The following CNTN1 variants were observed in gnomAD, a reference collection of about 807,000 sequenced individuals.
CNTN1 encodes contactin 1.
A neutral mutation model predicts 126.4 loss-of-function variants in CNTN1; 38 were observed. The observed-to-expected ratio is 0.30, with a 90% CI of 0.23 to 0.39. The LOEUF (loss-of-function observed/expected upper bound fraction) is 0.39, where lower values mean the gene tolerates loss of function less well. Ranked by LOEUF, CNTN1 falls within the 10% of genes least tolerant of loss-of-function variation. The probability of loss-of-function intolerance (pLI) is 1.00; values close to 1 mark genes in which losing one functional copy is unlikely to be tolerated. For missense variants in CNTN1, 1,009 were observed against 1,248.4 expected (o/e 0.81, Z 2.89); for synonymous variants, 413 against 422.6 (o/e 0.98, Z 0.28).
intron 1 of CNTN1, among the ~76,000 whole-genome samples, chr12:40,715,076 C>T (rs900765651): frequency 5.3e-5 from 8 of 152,218 alleles, no homozygotes; most frequent in African/African-American, 1.7e-4. Context: ...AACTGAATTT[C>T]GTTTGTTTTA....
At chr12:40,943,538 C>T in intron 12 of CNTN1, 59 bp from the exon 13 acceptor site, 3 of 1,265,360 alleles carry the variant, frequency 2.4e-6, no homozygotes, top group Non-Finnish European at 3.4e-6. Flanking sequence ...TAATCTAAGA[C>T]ATAATAATGT....
chr12:40,704,771 G>T (rs1941695664), intron 1 of CNTN1, among the ~76,000 whole-genome samples: 1 of 152,082 alleles, frequency 6.6e-6, no homozygotes, highest in South Asian at 2.1e-4. Context: ...TAAACTGATG[G>T]TTTCTATAAA....
In CNTN1 at chr12:41,071,765, G is replaced by A. The variant is rs1014688949; in HGVS notation, c.*1730G>A. The stretch of plus-strand genomic sequence containing the variant: ...GATTTCATAAAATATTTAAGTATTT[G>A]AAAAAGAAACAAAATGTCTTCATAC... On this transcript the variant is annotated 3_prime_UTR_variant, in exon 24 of 24. Coordinates refer to ENST00000551295, the MANE Select transcript of CNTN1 (RefSeq NM_001843.4). The A allele has an allele frequency of 6.6e-6, 1 of 152,070 alleles. No homozygotes were observed. Among genetic ancestry groups the A allele is most frequent in the Non-Finnish European group, 1.5e-5 (1 of 67,988 alleles). The allele number at this position is 152,070 out of a possible 1,614,324, so 9.4% of individuals were successfully genotyped here.
At chr12:40,984,972 ACC>A (rs1947918867) in intron 16 of CNTN1, among the ~76,000 whole-genome samples, 1 of 152,062 alleles carries the variant, frequency 6.6e-6, no homozygotes, top group East Asian at 1.9e-4. Context: ...TTACAAAATT[ACC>A]TTTACCAATG....
At chr12:40,804,157 A>G (rs755483745) in intron 1 of CNTN1, among the ~76,000 whole-genome samples, 41 of 152,042 alleles carry the variant, frequency 2.7e-4, no homozygotes, top group Non-Finnish European at 5.0e-4. Flanking sequence ...TGGAAGTTAC[A>G]TAGAACAAAA....
At chr12:40,782,359 A>C (rs961161603) in intron 1 of CNTN1, among the ~76,000 whole-genome samples, 1 of 152,022 alleles carries the variant, frequency 6.6e-6, no homozygotes, top group South Asian at 2.1e-4. Context: ...TTATAAATGT[A>C]ATTTATGAAT....
chr12:41,071,085 A>G lies in CNTN1; in HGVS notation c.*1050A>G, dbSNP rs939751180. ...CGTATTCCATTTTGTAAAAATAACA[A>G]TAATAATAATAATAATAATTAGTTT... On this transcript the variant is annotated 3_prime_UTR_variant, in exon 24 of 24. Coordinates refer to ENST00000551295, the MANE Select transcript of CNTN1 (RefSeq NM_001843.4). The G allele has an allele frequency of 6.6e-6, 1 of 151,280 alleles. No homozygotes were observed. The highest frequency in any genetic ancestry group is 2.4e-5 in the African/African-American group (1 of 41,228). The allele number at this position is 151,280 out of a possible 1,614,324, so 9.4% of individuals were successfully genotyped here.
At chr12:40,731,277 T>C (rs1044468924) in intron 1 of CNTN1, among the ~76,000 whole-genome samples, 1 of 152,018 alleles carries the variant, frequency 6.6e-6, no homozygotes, top group African/African-American at 2.4e-5. Context: ...TGGGTGTTTT[T>C]TCCCTTAACA....
chr12:40,732,354 G>C (rs555540640), intron 1 of CNTN1, among the ~76,000 whole-genome samples: 1 of 151,754 alleles, frequency 6.6e-6, no homozygotes, highest in Non-Finnish European at 1.5e-5. Context: ...GAACATTCCC[G>C]CATAAAAGTT....
intron 15 of CNTN1, 65 bp from the exon 16 acceptor site, chr12:40,980,844 A>G (rs1481271460): frequency 7.0e-7 from 1 of 1,425,734 alleles, no homozygotes; most frequent in Non-Finnish European, 9.9e-7. Flanking sequence ...ACATTTTTAT[A>G]TTCTAATGTG....
intron 1 of CNTN1, among the ~76,000 whole-genome samples, chr12:40,726,578 C>T (rs975393698): frequency 3.9e-5 from 6 of 152,138 alleles, no homozygotes; most frequent in African/African-American, 1.4e-4. Flanking sequence ...CACCATGATC[C>T]GATTACCTCC....
At chr12:40,772,351 A>G (rs1939372876) in intron 1 of CNTN1, among the ~76,000 whole-genome samples, 1 of 152,018 alleles carries the variant, frequency 6.6e-6, no homozygotes, top group Admixed American at 6.6e-5. Flanking sequence ...GTGTCTTATC[A>G]CAATGTAATA....
At chr12:40,896,740 C>A (rs188160229) in intron 1 of CNTN1, among the ~76,000 whole-genome samples, 22 of 152,232 alleles carry the variant, frequency 1.4e-4, no homozygotes, top group Non-Finnish European at 1.5e-5. Flanking sequence ...CTGGAAGTGG[C>A]CTTGCATTTA....
chr12:40,720,534 T>A (rs1049440250), intron 1 of CNTN1, among the ~76,000 whole-genome samples: 1 of 152,178 alleles, frequency 6.6e-6, no homozygotes, highest in Non-Finnish European at 1.5e-5. Flanking sequence ...GAGAAGTGAA[T>A]TGTATTTGAA....
chr12:40,738,033 T>A (rs968866356), intron 1 of CNTN1, among the ~76,000 whole-genome samples: 2 of 152,054 alleles, frequency 1.3e-5, no homozygotes, highest in Non-Finnish European at 2.9e-5. Context: ...ATTCAGCATA[T>A]ATTCTGTATT....
intron 1 of CNTN1, among the ~76,000 whole-genome samples, chr12:40,806,420 G>A (rs966295259): frequency 5.3e-5 from 8 of 152,078 alleles, no homozygotes; most frequent in Non-Finnish European, 1.5e-5. Context: ...TCTTTGTTCT[G>A]TGGTTATGAG....
chr12:40,963,194 T>C (rs1374481186), intron 15 of CNTN1, among the ~76,000 whole-genome samples: 2 of 151,660 alleles, frequency 1.3e-5, no homozygotes, highest in African/African-American at 4.8e-5. Context: ...GGCCAAGGAG[T>C]GCGTATTGCT....
At chr12:40,971,910 G>A (rs548922311) in intron 15 of CNTN1, 24 of 1,041,574 alleles carry the variant, frequency 2.3e-5, no homozygotes, top group Non-Finnish European at 2.4e-5. Context: ...ATTCAAGCAG[G>A]TAATGAACAA....
intron 1 of CNTN1, chr12:40,763,322 C>T (rs1289816763): frequency 6.6e-6 from 1 of 152,138 alleles, no homozygotes; most frequent in Non-Finnish European, 1.5e-5. Flanking sequence ...TAGAAATCTT[C>T]ATATTAATGG....
Sources: gnomAD v4.1 joint callset for allele counts (sites outside exome capture counted in the v4.1 genomes callset) on GRCh38, gnomAD v4.1.1 for gene constraint, MANE v1.5 for transcripts, NCBI Gene and HGNC (gene_info 2026-07-23, HGNC 2026-07-21) for gene names.